Variants in SUMF1 observed in about 807,000 individuals in gnomAD.
The protein encoded by SUMF1 is formylglycine-generating enzyme.
SUMF1 carries 48 observed loss-of-function variants against 47.6 expected under a neutral mutation model. That is an observed-to-expected ratio of 1.01 (90% CI 0.80 to 1.28). SUMF1 has a LOEUF of 1.28. SUMF1 is among the 50% of genes most tolerant of loss of function. The probability of loss-of-function intolerance (pLI) is 0.00; values close to 1 mark genes in which losing one functional copy is unlikely to be tolerated. For synonymous variants in SUMF1, 230 were observed against 192.1 expected (o/e 1.20, Z -1.63); for missense variants, 571 against 485.4 (o/e 1.18, Z -1.66).
chr3:4,376,598 A>T (rs1054062128), intron 7 of SUMF1, among the ~76,000 whole-genome samples: 28 of 152,124 alleles, frequency 1.8e-4, no homozygotes, highest in African/African-American at 6.5e-4. Flanking sequence ...GGCCCACCTC[A>T]AGTTTCCACT....
chr3:4,243,646 G>T (rs894021222), intron 8 of SUMF1, among the ~76,000 whole-genome samples: 1 of 152,154 alleles, frequency 6.6e-6, no homozygotes, highest in African/African-American at 2.4e-5. Context: ...TGTGATTTCT[G>T]TTCTTTTACA....
At chr3:4,072,762 A>C (rs1356680024) in intron 8 of SUMF1, among the ~76,000 whole-genome samples, 1 of 152,200 alleles carries the variant, frequency 6.6e-6, no homozygotes, top group African/African-American at 2.4e-5. Context: ...GATGAAATGA[A>C]GTGAGAAGAC....
intron 8 of SUMF1, chr3:4,229,388 C>G: frequency 2.6e-6 from 1 of 390,932 alleles, no homozygotes; most frequent in Non-Finnish European, 5.0e-6. Flanking sequence ...AGAAGAGAAA[C>G]CACAAGAGCA....
At position 4,462,091 on chromosome 3, in the gene SUMF1, C is replaced by T. The variant is rs142109498; in HGVS notation, c.270+4885G>A. Among the ~76,000 whole-genome samples, 1,151 of 152,280 alleles carry T rather than the reference C, an allele frequency of 7.6e-3. 4 individuals carry two copies. Among genetic ancestry groups the T allele is most frequent in the Middle Eastern group, 0.034 (10 of 294 alleles). On this transcript the variant is annotated intron_variant, in intron 1 of 8. Transcript: ENST00000272902. Reference sequence around the variant, plus strand: ...GTGGGCACTGCTATTTTGGTCCATCCGGCACCCAATCCCTCTACTTCTTGT... The same window carrying T: ...GTGGGCACTGCTATTTTGGTCCATCTGGCACCCAATCCCTCTACTTCTTGT...
At chr3:4,336,176 T>C (rs1699149475) in intron 8 of SUMF1, among the ~76,000 whole-genome samples, 1 of 151,958 alleles carries the variant, frequency 6.6e-6, no homozygotes, top group Admixed American at 6.6e-5. Context: ...CCCAGGAGCA[T>C]CTTTGACCTA....
rs905106779 is a variant in SUMF1 at position 4,205,239 on chromosome 3, G to C, written c.1015-136494C>G. On this transcript the variant is annotated intron_variant and NMD_transcript_variant, in intron 8 of 12. Coordinates refer to the SUMF1 transcript ENST00000448413. ...TGTAATTCTCCCCACCCTTGAGAAT[G>C]TACTTTGTGAGATCCACCCCCTGCC... Among the ~76,000 whole-genome samples, 3 of 152,106 alleles carry C rather than the reference G, an allele frequency of 2.0e-5. No individual in the cohort carries two copies. In the East Asian group the frequency reaches 5.8e-4, roughly 29 times the overall value.
At chr3:4,203,328 T>G (rs919238153) in intron 8 of SUMF1, among the ~76,000 whole-genome samples, 6 of 152,014 alleles carry the variant, frequency 3.9e-5, no homozygotes, top group Admixed American at 2.6e-4. Flanking sequence ...CACTTCTTTA[T>G]CATTAATGAC....
intron 8 of SUMF1, among the ~76,000 whole-genome samples, chr3:4,253,493 G>C (rs529115299): frequency 5.3e-5 from 8 of 152,218 alleles, no homozygotes; most frequent in Non-Finnish European, 7.4e-5. Context: ...GTAAAAGAAA[G>C]GGGTGACGGA....
intron 8 of SUMF1, among the ~76,000 whole-genome samples, chr3:4,166,030 C>T (rs1019140412): frequency 7.9e-5 from 12 of 152,060 alleles, no homozygotes; most frequent in Non-Finnish European, 1.5e-4. Flanking sequence ...AGCAGAAATG[C>T]TAGTTTTCCT....
At chr3:4,404,942 G>A (rs1701328765) in intron 7 of SUMF1, among the ~76,000 whole-genome samples, 1 of 152,152 alleles carries the variant, frequency 6.6e-6, no homozygotes, top group South Asian at 2.1e-4. Context: ...CTTAACTAAG[G>A]AGAAAGATGA....
chr3:4,460,349 T>C (rs1000158288), intron 1 of SUMF1, among the ~76,000 whole-genome samples: 1 of 152,160 alleles, frequency 6.6e-6, no homozygotes, highest in Non-Finnish European at 1.5e-5. Context: ...CTACCTGTTT[T>C]AAAAAATAAA....
chr3:4,253,288 T>C (rs143857268), intron 8 of SUMF1, among the ~76,000 whole-genome samples: 4,112 of 152,218 alleles, frequency 0.027, 266 homozygotes, highest in East Asian at 0.2. Flanking sequence ...ACAGCTCCGG[T>C]CTACAGCTCC....
chr3:4,200,654 A>G (rs1031398179), intron 8 of SUMF1, among the ~76,000 whole-genome samples: 3 of 152,228 alleles, frequency 2.0e-5, no homozygotes, highest in African/African-American at 7.2e-5. Context: ...ATGGCCTATC[A>G]TGGGAGTTCT....
At chr3:4,418,908 C>T (rs900386468) in intron 4 of SUMF1, among the ~76,000 whole-genome samples, 4 of 152,148 alleles carry the variant, frequency 2.6e-5, no homozygotes, top group Non-Finnish European at 4.4e-5. Flanking sequence ...GGCTGAATTC[C>T]CTGCTCACTT....
At chr3:4,104,444 A>C (rs946631281) in intron 8 of SUMF1, among the ~76,000 whole-genome samples, 1 of 151,922 alleles carries the variant, frequency 6.6e-6, no homozygotes, top group African/African-American at 2.4e-5. Context: ...CCCACTCTTC[A>C]TCCTGCTCCG....
chr3:4,290,525 G>A (rs1337270124), intron 8 of SUMF1, among the ~76,000 whole-genome samples: 2 of 152,138 alleles, frequency 1.3e-5, no homozygotes, highest in African/African-American at 4.8e-5. Context: ...TTAAGAACGA[G>A]AAGGTAACAT....
chr3:4,184,695 C>T (rs1233711143), intron 8 of SUMF1, among the ~76,000 whole-genome samples: 1 of 148,496 alleles, frequency 6.7e-6, no homozygotes, highest in African/African-American at 2.5e-5. Context: ...GCTGCCCAGG[C>T]TAGAGTATAG....
At chr3:4,166,031 T>C (rs1294934694) in intron 8 of SUMF1, among the ~76,000 whole-genome samples, 1 of 152,216 alleles carries the variant, frequency 6.6e-6, no homozygotes, top group South Asian at 2.1e-4. Flanking sequence ...GCAGAAATGC[T>C]AGTTTTCCTC....
intron 8 of SUMF1, among the ~76,000 whole-genome samples, chr3:4,123,578 C>G (rs1410570106): frequency 6.6e-6 from 1 of 152,100 alleles, no homozygotes; most frequent in Non-Finnish European, 1.5e-5. Context: ...TTCTATTGAT[C>G]AAGTGGTCAG....
Sources: allele counts gnomAD v4.1 joint callset (sites outside exome capture counted in the v4.1 genomes callset), GRCh38; gene constraint gnomAD v4.1.1; transcripts MANE v1.5; gene names NCBI Gene and HGNC (gene_info 2026-07-23, HGNC 2026-07-21).